The following ST18 variants were observed in gnomAD, a reference collection of about 807,000 sequenced individuals.
ST18 encodes ST18 C2H2C-type zinc finger transcription factor, also known as suppression of tumorigenicity 18 protein.
A neutral mutation model predicts 110.0 loss-of-function variants in ST18; 50 were observed. That is an observed-to-expected ratio of 0.45 (90% confidence interval 0.36 to 0.58). The LOEUF is 0.58. Ranked by LOEUF, ST18 falls within the 20% of genes least tolerant of loss-of-function variation. The probability of loss-of-function intolerance (pLI) is 0.00; values close to 1 mark genes in which losing one functional copy is unlikely to be tolerated. For missense variants in ST18, 1,306 were observed against 1,280.1 expected (o/e 1.02, Z -0.31); for synonymous variants, 461 against 452.4 (o/e 1.02, Z -0.24).
chr8:52,296,097 G>A (rs897384835), intron 2 of ST18, among the ~76,000 whole-genome samples: 6 of 152,080 alleles, frequency 3.9e-5, no homozygotes, highest in African/African-American at 1.4e-4. Context: ...GCTGCTTGGC[G>A]TCATTTTGTT....
intron 8 of ST18, among the ~76,000 whole-genome samples, chr8:52,205,431 T>C (rs1233108406): frequency 2.6e-5 from 4 of 152,008 alleles, no homozygotes; most frequent in South Asian, 2.1e-4. Context: ...AAAAAACAAA[T>C]AAAATGGATG....
chr8:52,203,203 T>A (rs2078620197), intron 8 of ST18, among the ~76,000 whole-genome samples: 1 of 152,198 alleles, frequency 6.6e-6, no homozygotes, highest in African/African-American at 2.4e-5. Context: ...GGGGGAACCA[T>A]GACACCAGGG....
At chr8:52,400,621 T>A (rs1842562128) in intron 2 of ST18, among the ~76,000 whole-genome samples, 1 of 152,128 alleles carries the variant, frequency 6.6e-6, no homozygotes, top group Non-Finnish European at 1.5e-5. Context: ...CCATGGGGCT[T>A]ACATAAAACA....
intron 8 of ST18, among the ~76,000 whole-genome samples, chr8:52,182,655 A>T (rs1274051987): frequency 6.6e-6 from 1 of 152,144 alleles, no homozygotes; most frequent in Non-Finnish European, 1.5e-5. Flanking sequence ...AATGAGAGTT[A>T]CTAATCAAAC....
At chr8:52,331,461 G>A (rs1317212409) in intron 2 of ST18, among the ~76,000 whole-genome samples, 1 of 151,962 alleles carries the variant, frequency 6.6e-6, no homozygotes, top group African/African-American at 2.4e-5. Context: ...ATAGGCCTAT[G>A]CACACATACA....
At chr8:52,116,866 C>T (rs2042745416) in intron 24 of ST18, among the ~76,000 whole-genome samples, 1 of 152,008 alleles carries the variant, frequency 6.6e-6, no homozygotes. Flanking sequence ...ACTCTGCTGC[C>T]CCCTGGGCCC....
chr8:52,262,109 G>A (rs532814294), intron 2 of ST18, among the ~76,000 whole-genome samples: 2 of 152,298 alleles, frequency 1.3e-5, no homozygotes, highest in Admixed American at 1.3e-4. Flanking sequence ...ATGAAAGGAT[G>A]CAAGGGGAAG....
intron 2 of ST18, among the ~76,000 whole-genome samples, chr8:52,363,838 A>G (rs1239149351): frequency 1.3e-5 from 2 of 152,292 alleles, no homozygotes; most frequent in Admixed American, 1.3e-4. Flanking sequence ...AACTTTTATA[A>G]TAACCATGAT....
At chr8:52,394,566 T>C (rs1275330606) in intron 2 of ST18, among the ~76,000 whole-genome samples, 1 of 152,216 alleles carries the variant, frequency 6.6e-6, no homozygotes, top group Non-Finnish European at 1.5e-5. Context: ...GATTTATTTT[T>C]ATCCTAGTAA....
chr8:52,167,071 C>G (rs2063259233), intron 10 of ST18, 85 bp from the exon 11 acceptor site: 2 of 1,499,230 alleles, frequency 1.3e-6, no homozygotes, highest in Non-Finnish European at 1.8e-6. Context: ...GGGTGACATT[C>G]TCACTTTATT....
intron 8 of ST18, among the ~76,000 whole-genome samples, chr8:52,192,628 T>C (rs993165327): frequency 2.0e-5 from 3 of 152,122 alleles, no homozygotes; most frequent in Non-Finnish European, 1.5e-5. Context: ...AAATAAAAAA[T>C]CATTACAGAA....
chr8:52,236,611 C>CAAAAA (rs754799390), intron 2 of ST18, among the ~76,000 whole-genome samples: 5 of 88,918 alleles, frequency 5.6e-5, no homozygotes, highest in Non-Finnish European at 9.7e-5. Flanking sequence ...AATTCCACCT[C>CAAAAA]AAAAAAAAAA....
chr8:52,322,647 A>C (rs959914635), intron 2 of ST18, among the ~76,000 whole-genome samples: 1 of 152,182 alleles, frequency 6.6e-6, no homozygotes, highest in Non-Finnish European at 1.5e-5. Context: ...GCTCAGTGTG[A>C]TCATGAAGCT....
chr8:52,236,582 G>A (rs1015598430), intron 2 of ST18, among the ~76,000 whole-genome samples: 6 of 145,546 alleles, frequency 4.1e-5, no homozygotes, highest in African/African-American at 1.5e-4. Flanking sequence ...CTGCACTCCA[G>A]CCTGGGCAAC....
At chr8:52,330,379 ACAAAAAATAATAAGAGT>A (rs1319241522) in intron 2 of ST18, among the ~76,000 whole-genome samples, 1 of 152,238 alleles carries the variant, frequency 6.6e-6, no homozygotes, top group Non-Finnish European at 1.5e-5. Context: ...GCTTTGAGAG[ACAAAAAATAATAAGAGT>A]CTTCTAGGCT....
At chr8:52,313,922 C>A (rs1272645550) in intron 2 of ST18, among the ~76,000 whole-genome samples, 2 of 152,198 alleles carry the variant, frequency 1.3e-5, no homozygotes, top group African/African-American at 2.4e-5. Flanking sequence ...AGTGGAGACC[C>A]TTGACAGGGG....
Position 52,130,119 on chromosome 8 carries a change from AAAAGAAAG to A in ST18, c.2666+1831_2666+1838del, listed in dbSNP as rs1207799704. 1.6e-3 allele frequency among the ~76,000 whole-genome samples: 165 copies of A among 105,232 alleles called. 1 individual carries two copies. Among genetic ancestry groups the A allele is most frequent in the Non-Finnish European group, 2.1e-3 (113 of 54,666 alleles). The allele number at this position is 105,232 out of a possible 152,430, so 69.0% of individuals were successfully genotyped here. ...AAAAGAAAGAAAGAAAGAAAGAAAG[AAAAGAAAG>A]AAAGAAAGAAAGAAAGAAAGAAAGA... On this transcript the variant is annotated intron_variant, in intron 22 of 25. Coordinates refer to ENST00000689386, the MANE Select transcript of ST18 (RefSeq NM_001352837.2).
At chr8:52,186,693 T>C (rs192215729) in intron 8 of ST18, among the ~76,000 whole-genome samples, 8 of 152,366 alleles carry the variant, frequency 5.3e-5, no homozygotes, top group Non-Finnish European at 4.4e-5. Context: ...GACGGTAGAA[T>C]ATTCATGGCT....
At chr8:52,173,034 TG>T (rs1393080910) in intron 9 of ST18, among the ~76,000 whole-genome samples, 1 of 152,250 alleles carries the variant, frequency 6.6e-6, no homozygotes, top group Non-Finnish European at 1.5e-5. Context: ...GAGATATTAA[TG>T]AGTTTCTCTG....
Sources: allele counts gnomAD v4.1 joint callset (sites outside exome capture counted in the v4.1 genomes callset), GRCh38; gene constraint gnomAD v4.1.1; transcripts MANE v1.5; gene names NCBI Gene and HGNC (gene_info 2026-07-23, HGNC 2026-07-21).